The following NFIA variants were observed in gnomAD, a reference collection of about 807,000 sequenced individuals.
NFIA encodes the protein nuclear factor I A.
NFIA carries 8 observed loss-of-function variants against 62.8 expected under a neutral mutation model. The observed-to-expected ratio is 0.13, with a 90% CI of 0.07 to 0.23. NFIA has a LOEUF of 0.23. Ranked by LOEUF, NFIA falls within the 10% of genes least tolerant of loss-of-function variation. The pLI, the probability that NFIA is intolerant of heterozygous loss-of-function variation, is 1.00. For synonymous variants in NFIA, 235 were observed against 238.1 expected, an observed-to-expected ratio of 0.99 and a Z score of 0.12; for missense variants, 410 against 642.1, an observed-to-expected ratio of 0.64 and a Z score of 3.91.
At chr1:61,236,633 T>TC (rs1024314842) in intron 2 of NFIA, among the ~76,000 whole-genome samples, 4 of 152,092 alleles carry the variant, frequency 2.6e-5, no homozygotes, top group Admixed American at 6.5e-5. Context: ...TTTTTTTTTT[T>TC]CAAGAAAGGA....
At chr1:61,231,238 G>GT (rs1043476943) in intron 2 of NFIA, among the ~76,000 whole-genome samples, 15 of 152,174 alleles carry the variant, frequency 9.9e-5, no homozygotes, top group African/African-American at 3.6e-4. Flanking sequence ...AAATTTCCTG[G>GT]TTTTTTCTTT....
chr1:61,263,072 A>G (rs1184622027), intron 2 of NFIA, among the ~76,000 whole-genome samples: 2 of 152,220 alleles, frequency 1.3e-5, no homozygotes, highest in Non-Finnish European at 2.9e-5. Flanking sequence ...TGTTCAAAGG[A>G]TAGCACTTCT....
rs1441205868 is a variant in NFIA, at chr1:61,261,903, A to T, written c.560-15617A>T. ...TGTTTTCTTTTGCCAGGTTTTGTAT[A>T]TGCTTTCTAAACCTGCAAGAGATTT... On this transcript the variant is annotated intron_variant, in intron 2 of 10. Coordinates refer to ENST00000403491, the MANE Select transcript of NFIA (RefSeq NM_001134673.4). Among the ~76,000 whole-genome samples the T allele has an allele frequency of 1.3e-5, 2 of 152,226 alleles. 1 individual carries two copies. The highest frequency in any genetic ancestry group is 4.1e-4 in the South Asian group (2 of 4,836).
chr1:61,192,386 A>T (rs1034390823), intron 2 of NFIA, among the ~76,000 whole-genome samples: 2 of 152,202 alleles, frequency 1.3e-5, no homozygotes, highest in Admixed American at 1.3e-4. Flanking sequence ...TGTGGAACTG[A>T]ACCTTTTTGG....
At chr1:61,298,431 C>T (rs1426348904) in intron 3 of NFIA, among the ~76,000 whole-genome samples, 3 of 152,018 alleles carry the variant, frequency 2.0e-5, no homozygotes, top group African/African-American at 7.2e-5. Context: ...TAACGTACTA[C>T]CCTTTTAGAT....
chr1:61,256,635 T>C (rs1019980075), intron 2 of NFIA, among the ~76,000 whole-genome samples: 6 of 152,150 alleles, frequency 3.9e-5, no homozygotes, highest in Non-Finnish European at 5.9e-5. Flanking sequence ...TTTATACTGC[T>C]ATTTGTTATG....
At position 61,352,442 on chromosome 1, in the gene NFIA, A is replaced by C; in HGVS notation, c.701-8A>C. On this transcript the variant is annotated splice_region_variant and splice_polypyrimidine_tract_variant and intron_variant, in intron 4 of 10. Coordinates refer to ENST00000403491, the MANE Select transcript of NFIA (RefSeq NM_001134673.4). ...TTAACTGATTTTTGTTTGTTTTCTT[A>C]ATTCTAGCACCAATAGCTGCAGGAA... The C allele has an allele frequency of 1.3e-6, 2 of 1,593,398 alleles. No individual in the cohort carries two copies. The highest frequency in any genetic ancestry group is 1.7e-6 in the Non-Finnish European group (2 of 1,163,102).
chr1:61,130,586 T>C (rs1224642965), intron 2 of NFIA, among the ~76,000 whole-genome samples: 1 of 152,186 alleles, frequency 6.6e-6, no homozygotes, highest in Non-Finnish European at 1.5e-5. Flanking sequence ...ATGGTAATCA[T>C]TGTAGAAGTG....
chr1:61,263,017 A>G (rs1656867135), intron 2 of NFIA, among the ~76,000 whole-genome samples: 1 of 152,216 alleles, frequency 6.6e-6, no homozygotes. Flanking sequence ...GTTTGTTGCC[A>G]ATAAAATTTC....
chr1:61,196,111 ATGTT>A (rs1416596599), intron 2 of NFIA, among the ~76,000 whole-genome samples: 6 of 152,222 alleles, frequency 3.9e-5, no homozygotes, highest in Middle Eastern at 6.8e-3. Context: ...CTTTGTAGGT[ATGTT>A]TGTTCTTGTC....
intron 9 of NFIA, among the ~76,000 whole-genome samples, chr1:61,408,542 C>T (rs1478523048): frequency 1.3e-5 from 2 of 152,190 alleles, no homozygotes; most frequent in Non-Finnish European, 2.9e-5. Flanking sequence ...TCTGTCTGTG[C>T]AGGACATTGC....
intron 6 of NFIA, among the ~76,000 whole-genome samples, chr1:61,368,662 C>T (rs190233371): frequency 2.2e-4 from 34 of 152,246 alleles, no homozygotes; most frequent in African/African-American, 7.9e-4. Context: ...GTAAAAGTAT[C>T]GTGCAGGGCA....
intron 5 of NFIA, among the ~76,000 whole-genome samples, chr1:61,353,616 T>C (rs1172354657): frequency 6.6e-6 from 1 of 152,206 alleles, no homozygotes; most frequent in African/African-American, 2.4e-5. Flanking sequence ...GCCCAAATTA[T>C]AGAACTTTTC....
At chr1:61,258,305 G>A (rs368505793) in intron 2 of NFIA, among the ~76,000 whole-genome samples, 1 of 152,198 alleles carries the variant, frequency 6.6e-6, no homozygotes. Context: ...GAGATAGGGT[G>A]TGGAAACAGG....
intron 3 of NFIA, among the ~76,000 whole-genome samples, chr1:61,283,581 CAAAA>C (rs576613886): frequency 2.2e-4 from 8 of 36,690 alleles, no homozygotes; most frequent in South Asian, 2.5e-3. Flanking sequence ...GACTCTGTCT[CAAAA>C]AAAAAAAAAA....
At chr1:61,421,282 C>T (rs952613945) in intron 9 of NFIA, among the ~76,000 whole-genome samples, 2 of 152,178 alleles carry the variant, frequency 1.3e-5, no homozygotes, top group Non-Finnish European at 2.9e-5. Flanking sequence ...TCTCACTCGC[C>T]TTTGCATCCT....
At chr1:61,376,995 T>C (rs938152812) in intron 6 of NFIA, among the ~76,000 whole-genome samples, 4 of 152,114 alleles carry the variant, frequency 2.6e-5, no homozygotes, top group African/African-American at 9.6e-5. Flanking sequence ...GGTGGGTGGA[T>C]CACCTGAGGT....
At chr1:61,181,762 A>G (rs1241571710) in intron 2 of NFIA, among the ~76,000 whole-genome samples, 1 of 152,230 alleles carries the variant, frequency 6.6e-6, no homozygotes, top group East Asian at 1.9e-4. Context: ...ATACATAAAG[A>G]AATTCCTGTG....
intron 3 of NFIA, among the ~76,000 whole-genome samples, chr1:61,311,386 C>T (rs942679666): frequency 7.0e-6 from 1 of 142,408 alleles, no homozygotes; most frequent in Admixed American, 7.6e-5. Flanking sequence ...AGTGAAACTC[C>T]GTCTCAAAAA....
Sources: allele counts gnomAD v4.1 joint callset (sites outside exome capture counted in the v4.1 genomes callset), GRCh38; gene constraint gnomAD v4.1.1; transcripts MANE v1.5; gene names NCBI Gene and HGNC (gene_info 2026-07-23, HGNC 2026-07-21).